WDR31: variants seen among roughly 807,000 people sequenced by gnomAD.
WDR31 encodes the protein WD repeat domain 31.
A neutral mutation model predicts 47.3 loss-of-function variants in WDR31; 30 were observed. The observed-to-expected ratio is 0.63, with a 90% CI of 0.47 to 0.86. The LOEUF is 0.86. Among genes scored for constraint, WDR31 ranks in the 40% least tolerant of loss-of-function variants. The pLI, the probability that WDR31 is intolerant of heterozygous loss-of-function variation, is 0.00. For synonymous variants in WDR31, 137 were observed against 159.4 expected (o/e 0.86, Z 1.06); for missense variants, 406 against 442.9 (o/e 0.92, Z 0.75).
rs1478252223 is a variant in WDR31, at chr9:113,323,166, A to G, written c.325-11T>C. 1 of 1,610,226 alleles carries G rather than the reference A, an allele frequency of 6.2e-7. No homozygotes were observed. Among genetic ancestry groups the G allele is most frequent in the East Asian group, 2.2e-5 (1 of 44,872 alleles). ...GGGAATACAGGCTACCTGCTCAGGG[A>G]AAAAACAACAACACTGAAATAGCTC... On this transcript the variant is annotated splice_polypyrimidine_tract_variant and intron_variant, in intron 5 of 10. Coordinates refer to ENST00000374193, the MANE Select transcript of WDR31 (RefSeq NM_001012361.4).
Position 113,316,904 on chromosome 9 carries a change from G to A in WDR31, c.949C>T (p.Leu317Phe). The A allele has an allele frequency of 1.2e-6, 2 of 1,613,658 alleles. 1 individual carries two copies. Among genetic ancestry groups the A allele is most frequent in the South Asian group, 2.2e-5 (2 of 91,018 alleles). The change falls in exon 11 of 11, where the codon CTT becomes TTT. Residue 317 changes from leucine to phenylalanine, a missense_variant. Transcript: ENST00000374193. ...GATCCATCCAGAGACAAGGTGAAAA[G>A]GCAGGCTGGGGGGGAAAGGGGGACC... Reference protein sequence around the residue: ...KIWNQDTGACLFTLSLDGSGP... With the variant: ...KIWNQDTGACFFTLSLDGSGP...
intron 9 of WDR31, 148 bp downstream of exon 9, chr9:113,320,209 G>C (rs1233718902): frequency 8.6e-6 from 9 of 1,047,504 alleles, no homozygotes; most frequent in Non-Finnish European, 1.1e-5. Context: ...GAAGCAACTG[G>C]AATGCAAAGG....
intron 10 of WDR31, 21 bp from the exon 11 acceptor site, chr9:113,316,930 A>G: frequency 6.2e-7 from 1 of 1,611,656 alleles, no homozygotes; most frequent in Non-Finnish European, 8.5e-7. Flanking sequence ...AAGGGGGACC[A>G]GCAGATTAGG....
At chr9:113,337,484 T>TA (rs1833742114) in intron 1 of WDR31, among the ~76,000 whole-genome samples, 1 of 143,010 alleles carries the variant, frequency 7.0e-6, no homozygotes, top group East Asian at 2.0e-4. Context: ...TTTTTTTTTT[T>TA]AGACAGAATC....
chr9:113,329,393 C>A (rs543841398), intron 4 of WDR31, among the ~76,000 whole-genome samples: 13 of 152,040 alleles, frequency 8.6e-5, no homozygotes, highest in Non-Finnish European at 1.9e-4. Context: ...GTAATCCCAG[C>A]ACTTTGGGAG....
intron 2 of WDR31, among the ~76,000 whole-genome samples, chr9:113,335,316 C>T (rs913181722): frequency 2.6e-5 from 4 of 152,074 alleles, no homozygotes; most frequent in African/African-American, 4.8e-5. Context: ...TTGCTGGGAC[C>T]GAAGGAACCT....
At chr9:113,321,434 A>G in intron 8 of WDR31, 77 bp downstream of exon 8, 1 of 1,404,922 alleles carries the variant, frequency 7.1e-7, no homozygotes, top group Non-Finnish European at 1.0e-6. Flanking sequence ...GGAGAATCAG[A>G]GTGGGAATGG....
Position 113,322,997 on chromosome 9 carries a change from C to A in WDR31, c.469+14G>T. On this transcript the variant is annotated intron_variant, in intron 6 of 10. Transcript: ENST00000374193. ...AAGCACAAAGGCATTGGGAAGAGGT[C>A]CGCTTTGTTTTACCTGGACTCACAG... The A allele has an allele frequency of 6.2e-7, 1 of 1,613,814 alleles. No homozygotes were observed. The highest frequency in any genetic ancestry group is 8.5e-7 in the Non-Finnish European group (1 of 1,179,834).
In WDR31 at chr9:113,328,966, T is replaced by C; in HGVS notation, c.250-11A>G. On this transcript the variant is annotated splice_polypyrimidine_tract_variant and intron_variant, in intron 4 of 10. Transcript: ENST00000374193. ...ATAGGCCACAACTGTCTGAAGAGAG[T>C]GAAGATTGTAGTTTCATTACTCAAT... 1 of 1,611,540 alleles carries C rather than the reference T, an allele frequency of 6.2e-7. No homozygotes were observed. Among genetic ancestry groups the C allele is most frequent in the Non-Finnish European group, 8.5e-7 (1 of 1,177,740 alleles).
chr9:113,337,212 C>T (rs927098523), intron 1 of WDR31, among the ~76,000 whole-genome samples: 1 of 152,088 alleles, frequency 6.6e-6, no homozygotes, highest in Non-Finnish European at 1.5e-5. Context: ...TCTCACTTTC[C>T]TATGTGTAAA....
chr9:113,314,324 C>T lies in WDR31; in HGVS notation c.*2425G>A, dbSNP rs1184834725. On this transcript the variant is annotated 3_prime_UTR_variant, in exon 11 of 11. Transcript: ENST00000374193. ...CTGCCTCCCCGGTTGAAGCGATTCT[C>T]CTGCCTCAGCCTCCTGAGTAGCTGG... is the stretch of plus-strand genomic sequence containing the variant. 6.0e-5 allele frequency: 9 copies of T among 150,804 alleles called. No homozygotes were observed. The highest frequency in any genetic ancestry group is 2.2e-4 in the African/African-American group (9 of 41,004). The allele number at this position is 150,804 out of a possible 1,614,324, so 9.3% of individuals were successfully genotyped here.
chr9:113,314,186 A>AGGAAT lies in WDR31; in HGVS notation c.*2558_*2562dup, dbSNP rs1315529848. The AGGAAT allele has an allele frequency of 6.9e-6, 1 of 144,624 alleles. No individual in the cohort carries two copies. The highest frequency in any genetic ancestry group is 1.5e-5 in the Non-Finnish European group (1 of 66,360). 9.0% of individuals were successfully genotyped at this position (144,624 alleles called of 1,614,324 possible). ...AAAAAAAAAAAAAAAAAAAGGATCA[A>AGGAAT]GGAATGGTAAACGTTTATTTTATTT... On this transcript the variant is annotated 3_prime_UTR_variant, in exon 11 of 11. Coordinates refer to ENST00000374193, the MANE Select transcript of WDR31 (RefSeq NM_001012361.4).
intron 1 of WDR31, among the ~76,000 whole-genome samples, chr9:113,339,599 C>T (rs927740125): frequency 2.6e-5 from 4 of 152,190 alleles, no homozygotes; most frequent in African/African-American, 9.6e-5. Flanking sequence ...ACACAGGGAG[C>T]CAGTTCTAGG....
At chr9:113,327,804 T>C (rs1736638010) in intron 5 of WDR31, among the ~76,000 whole-genome samples, 1 of 152,184 alleles carries the variant, frequency 6.6e-6, no homozygotes, top group Admixed American at 6.5e-5. Flanking sequence ...ATATAAAAAT[T>C]AGCCGGGTGT....
intron 3 of WDR31, 74 bp downstream of exon 3, chr9:113,331,833 G>GCCTT: frequency 1.4e-6 from 2 of 1,396,432 alleles, no homozygotes; most frequent in Non-Finnish European, 2.0e-6. Flanking sequence ...TTCGCCCTGG[G>GCCTT]CCTTCTCTTT....
At chr9:113,333,603 G>A (rs1437985816) in intron 2 of WDR31, among the ~76,000 whole-genome samples, 1 of 150,132 alleles carries the variant, frequency 6.7e-6, no homozygotes, top group Non-Finnish European at 1.5e-5. Flanking sequence ...GGATGGTCTC[G>A]ATCTCCTGAC....
intron 4 of WDR31, 106 bp downstream of exon 4, chr9:113,330,878 A>T: frequency 7.9e-7 from 1 of 1,271,378 alleles, no homozygotes; most frequent in Non-Finnish European, 1.1e-6. Flanking sequence ...CAATATTTTT[A>T]CACTTGTCAA....
At chr9:113,324,860 G>A (rs1301702828) in intron 5 of WDR31, among the ~76,000 whole-genome samples, 1 of 142,714 alleles carries the variant, frequency 7.0e-6, no homozygotes. Context: ...GTGTGTGTGT[G>A]TGTGTGTGTG....
At chr9:113,317,050 A>G (rs1833221982) in intron 10 of WDR31, 141 bp from the exon 11 acceptor site, 1 of 1,057,322 alleles carries the variant, frequency 9.5e-7, no homozygotes, top group South Asian at 2.1e-5. Flanking sequence ...TCTTCAGAGG[A>G]AAGCATACCA....
Sources: gnomAD v4.1 joint callset for allele counts (sites outside exome capture counted in the v4.1 genomes callset) on GRCh38, gnomAD v4.1.1 for gene constraint, MANE v1.5 for transcripts, NCBI Gene and HGNC (gene_info 2026-07-23, HGNC 2026-07-21) for gene names.